CFAP90: variants seen among roughly 807,000 people sequenced by gnomAD.
CFAP90 encodes cilia and flagella associated protein 90.
At chr5:7,847,626 C>G in the CFAP90 span, among the ~76,000 whole-genome samples, 1 of 152,150 alleles carries the variant, frequency 6.6e-6, no homozygotes, top group Non-Finnish European at 1.5e-5. Flanking sequence ...CAGATTTGGC[C>G]AAGGAGCCTT....
chr5:7,835,157 A>G, the CFAP90 span, among the ~76,000 whole-genome samples: 1 of 152,210 alleles, frequency 6.6e-6, no homozygotes, highest in African/African-American at 2.4e-5. Flanking sequence ...ATTTGTAAAT[A>G]CTTTATTGTT....
At chr5:7,837,653 C>T in the CFAP90 span, among the ~76,000 whole-genome samples, 1 of 152,212 alleles carries the variant, frequency 6.6e-6, no homozygotes, top group Non-Finnish European at 1.5e-5. Context: ...CACAGATCAT[C>T]TGTCATGTGA....
At chr5:7,847,000 C>T in the CFAP90 span, among the ~76,000 whole-genome samples, 1 of 152,168 alleles carries the variant, frequency 6.6e-6, no homozygotes, top group Non-Finnish European at 1.5e-5. Context: ...CTGCCCTCCT[C>T]AGTCTCCTAA....
the CFAP90 span, chr5:7,830,435 CAA>C: frequency 2.0e-5 from 3 of 152,260 alleles, no homozygotes; most frequent in South Asian, 6.2e-4. Flanking sequence ...TTGTTGAAAT[CAA>C]GTCTGAATAA....
At chr5:7,838,854 T>G in the CFAP90 span, among the ~76,000 whole-genome samples, 1 of 152,218 alleles carries the variant, frequency 6.6e-6, no homozygotes, top group Non-Finnish European at 1.5e-5. Context: ...GAGAACCTTG[T>G]GGCAAAGTGG....
the CFAP90 span, among the ~76,000 whole-genome samples, chr5:7,850,102 C>T: frequency 3.3e-5 from 5 of 152,192 alleles, no homozygotes; most frequent in Non-Finnish European, 5.9e-5. Context: ...CGACTCCCAG[C>T]CCCTGATCGC....
chr5:7,846,128 T>G, the CFAP90 span, among the ~76,000 whole-genome samples: 89,447 of 151,486 alleles, frequency 0.59, 27,434 homozygotes, highest in African/African-American at 0.74. Flanking sequence ...ATTCATATAA[T>G]AGCTCTATGA....
chr5:7,845,939 T>G, the CFAP90 span, among the ~76,000 whole-genome samples: 1 of 150,674 alleles, frequency 6.6e-6, no homozygotes, highest in Non-Finnish European at 1.5e-5. Flanking sequence ...CACTCACATT[T>G]TGCCTTCACC....
chr5:7,833,609 C>G, the CFAP90 span, among the ~76,000 whole-genome samples: 1 of 152,010 alleles, frequency 6.6e-6, no homozygotes, highest in South Asian at 2.1e-4. Context: ...ATATACATAT[C>G]TGTACATACA....
the CFAP90 span, chr5:7,851,077 G>T: frequency 8.1e-7 from 1 of 1,234,800 alleles, no homozygotes; most frequent in Non-Finnish European, 1.0e-6. Context: ...CCGCCCAGGG[G>T]CCCAGTCGGA....
chr5:7,850,745 G>T, the CFAP90 span: 2 of 974,618 alleles, frequency 2.1e-6, no homozygotes, highest in South Asian at 5.1e-5. Flanking sequence ...TTCCGCTGGG[G>T]TGATCCCTTC....
the CFAP90 span, among the ~76,000 whole-genome samples, chr5:7,845,005 G>A: frequency 2.0e-5 from 3 of 152,248 alleles, no homozygotes; most frequent in African/African-American, 7.2e-5. Context: ...AGAAAAAAAG[G>A]TTTGATTGAC....
chr5:7,835,209 TG>T, the CFAP90 span, among the ~76,000 whole-genome samples: 1 of 152,212 alleles, frequency 6.6e-6, no homozygotes, highest in African/African-American at 2.4e-5. Context: ...CACACGCTGT[TG>T]GAAAAATGGC....
the CFAP90 span, chr5:7,850,992 C>T: frequency 7.7e-7 from 1 of 1,290,648 alleles, no homozygotes; most frequent in Non-Finnish European, 9.8e-7. Context: ...GCAGCGTGGA[C>T]GCGGTGGTCT....
the CFAP90 span, among the ~76,000 whole-genome samples, chr5:7,846,538 G>A: frequency 6.6e-6 from 1 of 152,038 alleles, no homozygotes; most frequent in Non-Finnish European, 1.5e-5. Context: ...TTTAACAAGG[G>A]TGATAATACC....
chr5:7,839,628 G>A, the CFAP90 span, among the ~76,000 whole-genome samples: 2 of 152,130 alleles, frequency 1.3e-5, no homozygotes, highest in African/African-American at 4.8e-5. Flanking sequence ...TTCTAATCAG[G>A]TCTCCTGAAA....
chr5:7,846,415 C>G, the CFAP90 span, among the ~76,000 whole-genome samples: 2 of 152,212 alleles, frequency 1.3e-5, no homozygotes, highest in African/African-American at 4.8e-5. Context: ...AGTCCAAGAT[C>G]AAGGCGCTGG....
At chr5:7,839,774 G>A in the CFAP90 span, among the ~76,000 whole-genome samples, 57 of 152,216 alleles carry the variant, frequency 3.7e-4, no homozygotes, top group African/African-American at 1.0e-3. Context: ...GTCTTAGGAA[G>A]CTTATTTTTG....
chr5:7,832,052 A>G, the CFAP90 span: 246 of 1,598,724 alleles, frequency 1.5e-4, 3 homozygotes, highest in South Asian at 2.5e-3. Context: ...ATCAAAGCAC[A>G]TAGTCAGCAC....
Sources: allele counts gnomAD v4.1 joint callset (sites outside exome capture counted in the v4.1 genomes callset), GRCh38; gene constraint gnomAD v4.1.1; transcripts MANE v1.5; gene names NCBI Gene and HGNC (gene_info 2026-07-23, HGNC 2026-07-21).